The following FHIT variants were observed in gnomAD, a reference collection of about 807,000 sequenced individuals.
The protein encoded by FHIT is bis(5'-adenosyl)-triphosphatase.
Under a neutral mutation model 17.9 loss-of-function variants are expected in FHIT, and 19 were observed. The ratio of observed to expected loss-of-function variants is 1.06; its 90% CI spans 0.74 to 1.56. The LOEUF (loss-of-function observed/expected upper bound fraction) is 1.56, where lower values mean the gene tolerates loss of function less well. FHIT is among the 40% of genes most tolerant of loss of function. The probability of loss-of-function intolerance (pLI) is 0.00; values close to 1 mark genes in which losing one functional copy is unlikely to be tolerated. For synonymous variants in FHIT, 81 were observed against 69.7 expected, an observed-to-expected ratio of 1.16 and a Z score of -0.81; for missense variants, 248 against 189.2, an observed-to-expected ratio of 1.31 and a Z score of -1.82.
intron 4 of FHIT, among the ~76,000 whole-genome samples, chr3:60,773,541 G>A (rs759587276): frequency 4.0e-5 from 6 of 151,886 alleles, no homozygotes; most frequent in Non-Finnish European, 7.4e-5. Flanking sequence ...TTTTTTCTAT[G>A]TCTTCTCTCT....
At chr3:60,655,984 T>G (rs2107814903) in intron 4 of FHIT, among the ~76,000 whole-genome samples, 1 of 152,324 alleles carries the variant, frequency 6.6e-6, no homozygotes, top group South Asian at 2.1e-4. Flanking sequence ...CTGGGTAAAC[T>G]TATTACTGCA....
intron 2 of FHIT, among the ~76,000 whole-genome samples, chr3:61,145,916 G>T (rs2107023205): frequency 6.6e-6 from 1 of 151,892 alleles, no homozygotes; most frequent in South Asian, 2.1e-4. Flanking sequence ...TAGTGAATTT[G>T]CCAGTGCACT....
chr3:60,610,745 G>A lies in FHIT; in HGVS notation c.-17-73766C>T, dbSNP rs139926951. 3.2e-3 allele frequency among the ~76,000 whole-genome samples: 493 copies of A among 152,294 alleles called. 4 individuals are homozygous for A. Among genetic ancestry groups the A allele is most frequent in the Non-Finnish European group, 4.3e-3 (293 of 68,036 alleles). On this transcript the variant is annotated intron_variant, in intron 4 of 9. Transcript: ENST00000492590. ...CTTTTAGATCGCTGCACATTTTTAA[G>A]ATGTAATTTACTGGAAGCTCTCTTT... is the stretch of plus-strand genomic sequence containing the variant.
chr3:59,978,726 T>G (rs899699017), intron 7 of FHIT, among the ~76,000 whole-genome samples: 3 of 150,042 alleles, frequency 2.0e-5, no homozygotes, highest in Non-Finnish European at 3.0e-5. Context: ...TTTGGAGGTT[T>G]CAAAGTGTCC....
At chr3:60,201,568 G>A (rs1702907885) in intron 5 of FHIT, among the ~76,000 whole-genome samples, 1 of 152,042 alleles carries the variant, frequency 6.6e-6, no homozygotes, top group African/African-American at 2.4e-5. Context: ...TCTGCAAAAT[G>A]GAAGGGCCAT....
At chr3:60,251,235 T>G (rs770477832) in intron 5 of FHIT, among the ~76,000 whole-genome samples, 3 of 152,208 alleles carry the variant, frequency 2.0e-5, no homozygotes, top group Non-Finnish European at 4.4e-5. Context: ...TCAATAGCAC[T>G]TGAGTATCAT....
At chr3:60,753,231 G>A (rs2042504801) in intron 4 of FHIT, among the ~76,000 whole-genome samples, 1 of 152,242 alleles carries the variant, frequency 6.6e-6, no homozygotes. Context: ...TAGGCTAAAG[G>A]GGAAAATAAG....
At chr3:59,857,348 T>C (rs564784155) in intron 8 of FHIT, among the ~76,000 whole-genome samples, 2 of 152,276 alleles carry the variant, frequency 1.3e-5, no homozygotes, top group South Asian at 2.1e-4. Context: ...CTGCCACAGA[T>C]TCCAGGTCAG....
intron 2 of FHIT, among the ~76,000 whole-genome samples, chr3:61,139,030 C>CTTTTTT (rs368329092): frequency 2.2e-5 from 3 of 137,298 alleles, no homozygotes; most frequent in African/African-American, 8.0e-5. Flanking sequence ...CTATATCAAA[C>CTTTTTT]TTTTTTTTTT....
intron 4 of FHIT, among the ~76,000 whole-genome samples, chr3:60,654,817 A>C (rs1234042324): frequency 1.3e-5 from 2 of 152,140 alleles, no homozygotes; most frequent in Non-Finnish European, 2.9e-5. Context: ...AAAAAAGACT[A>C]CTCTGGTGAC....
At chr3:60,525,589 T>C (rs1214545613) in intron 5 of FHIT, among the ~76,000 whole-genome samples, 3 of 152,214 alleles carry the variant, frequency 2.0e-5, no homozygotes, top group Non-Finnish European at 2.9e-5. Flanking sequence ...TCTTTAATAA[T>C]ATCTTGGGCA....
chr3:60,901,400 G>A (rs1706105295), intron 3 of FHIT, among the ~76,000 whole-genome samples: 1 of 152,154 alleles, frequency 6.6e-6, no homozygotes, highest in Non-Finnish European at 1.5e-5. Context: ...CTTTAAGTGT[G>A]GAAAGAAGCC....
intron 5 of FHIT, among the ~76,000 whole-genome samples, chr3:60,126,573 T>C (rs1705561375): frequency 6.6e-6 from 1 of 152,132 alleles, no homozygotes; most frequent in African/African-American, 2.4e-5. Flanking sequence ...TCTCTGTTTT[T>C]CAAATCAAAA....
At chr3:60,350,175 G>A (rs1232014155) in intron 5 of FHIT, among the ~76,000 whole-genome samples, 2 of 152,158 alleles carry the variant, frequency 1.3e-5, no homozygotes, top group African/African-American at 4.8e-5. Flanking sequence ...AATGTCAGTT[G>A]CAACTGGGGA....
chr3:60,714,046 C>A (rs1553705925), intron 4 of FHIT, among the ~76,000 whole-genome samples: 1 of 152,142 alleles, frequency 6.6e-6, no homozygotes, highest in African/African-American at 2.4e-5. Context: ...AAAATACTGG[C>A]AAACTGAATC....
At chr3:60,156,253 G>A (rs1700683855) in intron 5 of FHIT, among the ~76,000 whole-genome samples, 1 of 151,912 alleles carries the variant, frequency 6.6e-6, no homozygotes, top group African/African-American at 2.4e-5. Flanking sequence ...AGGAGGCTGA[G>A]GCAGGAGAGT....
chr3:61,022,492 T>C (rs538630742), intron 3 of FHIT, among the ~76,000 whole-genome samples: 50 of 152,316 alleles, frequency 3.3e-4, no homozygotes, highest in African/African-American at 1.1e-3. Flanking sequence ...CCCTGACTCA[T>C]TTTATGAGGC....
chr3:60,066,309 C>T lies in FHIT; in HGVS notation c.104-52157G>A, dbSNP rs558315149. Among the ~76,000 whole-genome samples, 9 of 152,270 alleles carry T rather than the reference C, an allele frequency of 5.9e-5. No individual in the cohort carries two copies. The South Asian group carries it at 1.2e-3, about 21-fold the overall frequency. ...TTGATACTCCGAATGAATTTCCCAA[C>T]GATATCTAAGAGCTTCCCATTCCCA... On this transcript the variant is annotated intron_variant, in intron 5 of 9. Coordinates refer to ENST00000492590, the MANE Select transcript of FHIT (RefSeq NM_002012.4).
At chr3:60,749,376 T>C (rs1359134713) in intron 4 of FHIT, among the ~76,000 whole-genome samples, 1 of 152,044 alleles carries the variant, frequency 6.6e-6, no homozygotes, top group Non-Finnish European at 1.5e-5. Flanking sequence ...ACTCTGGGCT[T>C]CTGAGTGGGT....
Sources: gnomAD v4.1 joint callset for allele counts (sites outside exome capture counted in the v4.1 genomes callset) on GRCh38, gnomAD v4.1.1 for gene constraint, MANE v1.5 for transcripts, NCBI Gene and HGNC (gene_info 2026-07-23, HGNC 2026-07-21) for gene names.